Variants in SCAPER observed in about 807,000 individuals in gnomAD.
SCAPER encodes S phase cyclin A-associated protein in the endoplasmic reticulum.
In SCAPER, 98 loss-of-function variants were observed where a neutral mutation model predicts 182.2. The ratio of observed to expected loss-of-function variants is 0.54; its 90% CI spans 0.46 to 0.64. The LOEUF is 0.64. Ranked by LOEUF, SCAPER falls within the 30% of genes least tolerant of loss-of-function variation. The pLI is 0.00. For synonymous variants in SCAPER, 605 were observed against 564.6 expected (o/e 1.07, Z -1.01); for missense variants, 1,432 against 1,690.0 (o/e 0.85, Z 2.68).
At chr15:76,819,751 T>A (rs576541526) in intron 5 of SCAPER, among the ~76,000 whole-genome samples, 9 of 152,100 alleles carry the variant, frequency 5.9e-5, no homozygotes, top group African/African-American at 1.9e-4. Flanking sequence ...TTTGACCAGT[T>A]GAGAGAGGAA....
intron 22 of SCAPER, among the ~76,000 whole-genome samples, chr15:76,581,343 C>T (rs985067341): frequency 6.6e-6 from 1 of 152,240 alleles, no homozygotes; most frequent in Admixed American, 6.5e-5. Flanking sequence ...ATACCAAAAC[C>T]AGACAAAGCA....
intron 29 of SCAPER, among the ~76,000 whole-genome samples, chr15:76,359,459 A>C (rs1305883462): frequency 1.3e-5 from 2 of 152,268 alleles, no homozygotes; most frequent in East Asian, 3.8e-4. Flanking sequence ...ATCCAGGAAA[A>C]GCATGATCCA....
At chr15:76,710,589 T>TA (rs1394991964) in intron 17 of SCAPER, among the ~76,000 whole-genome samples, 1 of 152,090 alleles carries the variant, frequency 6.6e-6, no homozygotes, top group Non-Finnish European at 1.5e-5. Flanking sequence ...GCAAGACCTA[T>TA]ACGCAAAAAA....
At chr15:76,575,389 TTC>T (rs1567502902) in intron 22 of SCAPER, among the ~76,000 whole-genome samples, 1 of 152,210 alleles carries the variant, frequency 6.6e-6, no homozygotes, top group Admixed American at 6.5e-5. Context: ...ACCCTTTCCT[TTC>T]TCTCTTTTGC....
At chr15:76,388,844 C>T (rs946680750) in intron 27 of SCAPER, among the ~76,000 whole-genome samples, 3 of 151,820 alleles carry the variant, frequency 2.0e-5, no homozygotes, top group Admixed American at 6.6e-5. Context: ...GCCTGTAATC[C>T]CAGCTACTCG....
rs11854945 is a variant in SCAPER at position 76,363,513 on chromosome 15, G to T, written c.3856-9373C>A. On this transcript the variant is annotated intron_variant, in intron 29 of 31. Coordinates refer to ENST00000563290, the MANE Select transcript of SCAPER (RefSeq NM_020843.4). ...CAGCTTCTTTCTGCTGGCTTTGTAA[G>T]CACCTGTCAAAACCTAAGGCCAAAT... Among the ~76,000 whole-genome samples, 1,268 of 152,332 alleles carry T rather than the reference G, an allele frequency of 8.3e-3. 12 individuals carry two copies. The highest frequency in any genetic ancestry group is 0.029 in the African/African-American group (1,203 of 41,566).
At chr15:76,508,329 G>C (rs569791767) in intron 23 of SCAPER, among the ~76,000 whole-genome samples, 2 of 152,016 alleles carry the variant, frequency 1.3e-5, no homozygotes, top group Non-Finnish European at 2.9e-5. Context: ...TTGACATTTA[G>C]CTTGTTTCTA....
chr15:76,421,740 T>G (rs900344750), intron 26 of SCAPER, among the ~76,000 whole-genome samples: 2 of 152,352 alleles, frequency 1.3e-5, no homozygotes, highest in East Asian at 3.9e-4. Flanking sequence ...TCCTCTAGGG[T>G]TTTTATGGTT....
At chr15:76,489,266 C>T (rs1483128833) in intron 24 of SCAPER, among the ~76,000 whole-genome samples, 3 of 139,392 alleles carry the variant, frequency 2.2e-5, no homozygotes, top group South Asian at 2.6e-4. Context: ...TTTGCACCAA[C>T]CTAATATTAT....
At position 76,483,295 on chromosome 15, in the gene SCAPER, C is replaced by CAA. The variant is rs61261703; in HGVS notation, c.2955-11962_2955-11961dup. 7.2e-3 allele frequency among the ~76,000 whole-genome samples: 955 copies of CAA among 133,008 alleles called. 11 individuals are homozygous for CAA. Among genetic ancestry groups the CAA allele is most frequent in the South Asian group, 0.032 (136 of 4,196 alleles). 87.3% of individuals were successfully genotyped at this position (133,008 alleles called of 152,430 possible). On this transcript the variant is annotated intron_variant, in intron 24 of 31. Transcript: ENST00000563290. ...GCTAGAACAACTGGATATTCACATG[C>CAA]AAAAAAAAAAAAAAAATCAACCTAG...
intron 4 of SCAPER, among the ~76,000 whole-genome samples, chr15:76,843,490 T>C (rs1013124916): frequency 3.3e-5 from 5 of 152,190 alleles, no homozygotes; most frequent in African/African-American, 1.2e-4. Flanking sequence ...TCTGCTCCAA[T>C]GTTCACAGAG....
intron 27 of SCAPER, among the ~76,000 whole-genome samples, chr15:76,397,370 T>A (rs997707433): frequency 1.3e-5 from 2 of 152,148 alleles, no homozygotes; most frequent in African/African-American, 4.8e-5. Flanking sequence ...TCCTCCTCTA[T>A]TTTTTGGAAT....
intron 21 of SCAPER, among the ~76,000 whole-genome samples, chr15:76,652,166 C>T (rs983860840): frequency 2.8e-5 from 4 of 145,426 alleles, no homozygotes; most frequent in African/African-American, 1.0e-4. Flanking sequence ...GCCTGTAATC[C>T]CAGCACTTTG....
intron 23 of SCAPER, among the ~76,000 whole-genome samples, chr15:76,527,141 G>T (rs1350131919): frequency 6.6e-6 from 1 of 152,126 alleles, no homozygotes; most frequent in Non-Finnish European, 1.5e-5. Context: ...CTCCCAAAGT[G>T]GTGGGATTAC....
intron 22 of SCAPER, among the ~76,000 whole-genome samples, chr15:76,610,812 T>C (rs993858342): frequency 3.3e-5 from 5 of 152,180 alleles, no homozygotes; most frequent in Non-Finnish European, 7.3e-5. Flanking sequence ...TGTTAATGGA[T>C]TGGAATAATA....
intron 22 of SCAPER, among the ~76,000 whole-genome samples, chr15:76,581,908 CA>C (rs2048301059): frequency 6.6e-6 from 1 of 152,038 alleles, no homozygotes; most frequent in Admixed American, 6.6e-5. Flanking sequence ...TGATAAAATT[CA>C]ACATTCATTC....
chr15:76,634,946 G>T (rs1448903194), intron 21 of SCAPER, among the ~76,000 whole-genome samples: 1 of 151,834 alleles, frequency 6.6e-6, no homozygotes, highest in African/African-American at 2.4e-5. Flanking sequence ...ATTTTAACAA[G>T]GTATAGCAAA....
intron 25 of SCAPER, among the ~76,000 whole-genome samples, chr15:76,466,416 C>CTTT (rs1268592485): frequency 1.4e-4 from 5 of 36,794 alleles, no homozygotes; most frequent in African/African-American, 2.2e-4. Flanking sequence ...TTGGTTGGTT[C>CTTT]TTCTTTTTTT....
rs997634452 is a variant in SCAPER at position 76,387,768 on chromosome 15, A to T, written c.3468-6153T>A. Among the ~76,000 whole-genome samples the T allele has an allele frequency of 2.0e-5, 3 of 152,216 alleles. No homozygotes were observed. The South Asian group carries it at 6.2e-4, about 32-fold the overall frequency. On this transcript the variant is annotated intron_variant, in intron 27 of 31. Transcript: ENST00000563290. ...TACCTACAAATAAACATGAGGACTAAAAACAGGAGAAAATATACACAAATG... is the reference window on the plus strand; with the variant it reads ...TACCTACAAATAAACATGAGGACTATAAACAGGAGAAAATATACACAAATG...
Sources: allele counts gnomAD v4.1 joint callset (sites outside exome capture counted in the v4.1 genomes callset), GRCh38; gene constraint gnomAD v4.1.1; transcripts MANE v1.5; gene names NCBI Gene and HGNC (gene_info 2026-07-23, HGNC 2026-07-21).